The following DCLK2 variants were observed in gnomAD, a reference collection of about 807,000 sequenced individuals.
DCLK2 encodes serine/threonine-protein kinase DCLK2.
Under a neutral mutation model 78.4 loss-of-function variants are expected in DCLK2, and 31 were observed. The observed-to-expected ratio is 0.40, with a 90% CI of 0.30 to 0.53. DCLK2 has a LOEUF of 0.53. Ranked by LOEUF, DCLK2 falls within the 20% of genes least tolerant of loss-of-function variation. The probability of loss-of-function intolerance (pLI) is 0.61; values close to 1 mark genes in which losing one functional copy is unlikely to be tolerated. For synonymous variants in DCLK2, 407 were observed against 374.9 expected (o/e 1.09, Z -0.99); for missense variants, 872 against 973.7 (o/e 0.90, Z 1.39).
At chr4:150,248,267 C>G in intron 13 of DCLK2, 38 bp from the exon 14 acceptor site, 1 of 1,569,242 alleles carries the variant, frequency 6.4e-7, no homozygotes, top group Non-Finnish European at 8.8e-7. Flanking sequence ...TACCTCCTTT[C>G]TCCTCCTCTG....
intron 8 of DCLK2, among the ~76,000 whole-genome samples, chr4:150,225,172 C>T (rs1169770419): frequency 6.6e-6 from 1 of 152,214 alleles, no homozygotes; most frequent in East Asian, 1.9e-4. Context: ...TTTTCATTAT[C>T]CTGGTCAGGA....
chr4:150,163,744 C>G (rs1196205741), intron 2 of DCLK2, among the ~76,000 whole-genome samples: 1 of 152,172 alleles, frequency 6.6e-6, no homozygotes, highest in African/African-American at 2.4e-5. Context: ...ATGTTTTAGG[C>G]ACTTAATTTG....
chr4:150,085,931 TA>T (rs1326974994), intron 1 of DCLK2, among the ~76,000 whole-genome samples: 1 of 152,238 alleles, frequency 6.6e-6, no homozygotes, highest in Non-Finnish European at 1.5e-5. Flanking sequence ...GAAATGCTTC[TA>T]GGGGTGGGAA....
At chr4:150,231,517 C>T (rs1377828038) in intron 8 of DCLK2, among the ~76,000 whole-genome samples, 1 of 152,168 alleles carries the variant, frequency 6.6e-6, no homozygotes, top group East Asian at 1.9e-4. Flanking sequence ...AATACATGTA[C>T]ACATGTTGAG....
chr4:150,247,492 C>G, intron 12 of DCLK2, 111 bp from the exon 13 acceptor site: 1 of 783,058 alleles, frequency 1.3e-6, no homozygotes, highest in Admixed American at 2.4e-5. Flanking sequence ...TACGGAATGC[C>G]CAAGTCAAAG....
chr4:150,201,146 T>C (rs539699071), intron 4 of DCLK2, among the ~76,000 whole-genome samples: 1 of 152,318 alleles, frequency 6.6e-6, no homozygotes, highest in Non-Finnish European at 1.5e-5. Context: ...CTTGTGAATC[T>C]TTCTTAGTCT....
chr4:150,196,752 A>G (rs1739067775), intron 3 of DCLK2, among the ~76,000 whole-genome samples: 1 of 152,178 alleles, frequency 6.6e-6, no homozygotes, highest in Non-Finnish European at 1.5e-5. Flanking sequence ...ACACAACTCC[A>G]AAACCTATGT....
intron 2 of DCLK2, among the ~76,000 whole-genome samples, chr4:150,120,649 T>C (rs978426091): frequency 6.6e-6 from 1 of 152,234 alleles, no homozygotes; most frequent in Non-Finnish European, 1.5e-5. Context: ...AAATGAATAT[T>C]GTAATAAAGT....
chr4:150,087,821 A>G (rs1729750548), intron 1 of DCLK2, among the ~76,000 whole-genome samples: 1 of 152,176 alleles, frequency 6.6e-6, no homozygotes, highest in Admixed American at 6.5e-5. Flanking sequence ...CTTTATAGCC[A>G]GTTTTTACAT....
chr4:150,086,184 T>G (rs1729623704), intron 1 of DCLK2, among the ~76,000 whole-genome samples: 1 of 152,196 alleles, frequency 6.6e-6, no homozygotes, highest in South Asian at 2.1e-4. Flanking sequence ...GCACGTGGTG[T>G]TTTTTTAATT....
chr4:150,192,808 G>A (rs1738563366), intron 2 of DCLK2, among the ~76,000 whole-genome samples: 1 of 152,150 alleles, frequency 6.6e-6, no homozygotes. Context: ...TAAACTGAGA[G>A]CAGAGGCCTT....
chr4:150,191,689 T>C (rs951826891), intron 2 of DCLK2, among the ~76,000 whole-genome samples: 49 of 152,114 alleles, frequency 3.2e-4, no homozygotes, highest in African/African-American at 1.2e-3. Context: ...TTGAAGAGAA[T>C]TGGAACAAAC....
At chr4:150,255,910 C>T (rs1247680147) in intron 15 of DCLK2, 110 bp from the exon 16 acceptor site, 1 of 1,465,892 alleles carries the variant, frequency 6.8e-7, no homozygotes, top group African/African-American at 1.4e-5. Context: ...CGTTATTTCT[C>T]CTCTTCTGTT....
intron 1 of DCLK2, among the ~76,000 whole-genome samples, chr4:150,086,518 T>A (rs1482372945): frequency 2.5e-5 from 3 of 121,814 alleles, no homozygotes; most frequent in South Asian, 2.4e-4. Context: ...TTTTTTTTTT[T>A]TTTTTTGAGA....
At chr4:150,152,886 A>G (rs1329191762) in intron 2 of DCLK2, among the ~76,000 whole-genome samples, 3 of 151,710 alleles carry the variant, frequency 2.0e-5, no homozygotes, top group Non-Finnish European at 2.9e-5. Context: ...TTCAAGGCCA[A>G]TATCATTCAT....
chr4:150,106,001 A>G (rs982742809), intron 2 of DCLK2, among the ~76,000 whole-genome samples: 13 of 152,156 alleles, frequency 8.5e-5, no homozygotes, highest in Non-Finnish European at 1.5e-4. Flanking sequence ...ACTGAAAAAG[A>G]AAAGACTGAT....
chr4:150,228,889 G>T (rs374877921), intron 8 of DCLK2, among the ~76,000 whole-genome samples: 1 of 151,910 alleles, frequency 6.6e-6, no homozygotes, highest in African/African-American at 2.4e-5. Flanking sequence ...AGCCAGGCGC[G>T]GTGGCGGGCG....
chr4:150,252,200 G>A (rs943533794), intron 15 of DCLK2, among the ~76,000 whole-genome samples: 3 of 152,230 alleles, frequency 2.0e-5, no homozygotes, highest in African/African-American at 7.2e-5. Context: ...GCGAGAGCTA[G>A]CATTGATGGA....
At chr4:150,231,701 G>A (rs368689341) in intron 8 of DCLK2, among the ~76,000 whole-genome samples, 12 of 152,178 alleles carry the variant, frequency 7.9e-5, no homozygotes, top group Non-Finnish European at 1.3e-4. Context: ...AGTGATTAGA[G>A]CTAAAATGAG....
Sources: gnomAD v4.1 joint callset for allele counts (sites outside exome capture counted in the v4.1 genomes callset) on GRCh38, gnomAD v4.1.1 for gene constraint, MANE v1.5 for transcripts, NCBI Gene and HGNC (gene_info 2026-07-23, HGNC 2026-07-21) for gene names.